The following IFI16 variants were observed in gnomAD, a reference collection of about 807,000 sequenced individuals.
The protein encoded by IFI16 is gamma-interferon-inducible protein 16.
A neutral mutation model predicts 68.4 loss-of-function variants in IFI16; 49 were observed. The observed-to-expected ratio is 0.72, with a 90% CI of 0.57 to 0.91. The LOEUF is 0.91. Among genes scored for constraint, IFI16 ranks in the 40% least tolerant of loss-of-function variants. The pLI is 0.00. For synonymous variants in IFI16, 307 were observed against 315.0 expected, an observed-to-expected ratio of 0.97 and a Z score of 0.27; for missense variants, 878 against 942.9, an observed-to-expected ratio of 0.93 and a Z score of 0.90.
At chr1:159,041,614 A>G (rs745370624) in intron 7 of IFI16, among the ~76,000 whole-genome samples, 7 of 152,134 alleles carry the variant, frequency 4.6e-5, no homozygotes, top group Non-Finnish European at 8.8e-5. Flanking sequence ...CTACCAGAAA[A>G]TGACATTAAG....
At chr1:159,044,012 C>A (rs1330302361) in intron 7 of IFI16, among the ~76,000 whole-genome samples, 3 of 152,140 alleles carry the variant, frequency 2.0e-5, no homozygotes, top group Non-Finnish European at 4.4e-5. Context: ...CATGAAATAT[C>A]TGTTCACCGG....
Position 159,015,037 on chromosome 1 carries a change from G to A in IFI16, c.265+92G>A, listed in dbSNP as rs143126545. ...GCCCCACCTCGGACATACTTGAGAT[G>A]TGTTTTCCCCAGTTTGTGACTCAAC... On this transcript the variant is annotated intron_variant, in intron 2 of 11. Coordinates refer to ENST00000295809, the MANE Select transcript of IFI16 (RefSeq NM_001376587.1). 4.7e-5 allele frequency: 59 copies of A among 1,249,762 alleles called. No individual in the cohort carries two copies. The East Asian group carries it at 1.3e-3, about 27-fold the overall frequency. 77.4% of individuals were successfully genotyped at this position (1,249,762 alleles called of 1,614,324 possible). A position where few individuals can be genotyped will look rare whatever the true frequency, so the allele number is the denominator to read the frequency against.
intron 6 of IFI16, among the ~76,000 whole-genome samples, chr1:159,022,524 T>TC (rs1298448903): frequency 1.3e-5 from 2 of 152,136 alleles, no homozygotes; most frequent in African/African-American, 2.4e-5. Context: ...TCTGTATTTG[T>TC]CCCGACTGGC....
chr1:159,042,667 A>G (rs1306679061), intron 7 of IFI16, among the ~76,000 whole-genome samples: 2 of 152,146 alleles, frequency 1.3e-5, no homozygotes, highest in African/African-American at 4.8e-5. Context: ...CTTCATAGGT[A>G]CCTTTCTATT....
Position 159,015,933 on chromosome 1 carries a change from C to A in IFI16, c.327C>A (p.Pro109=). 6.2e-7 allele frequency: 1 copy of A among 1,614,184 alleles called. No individual in the cohort carries two copies. The highest frequency in any genetic ancestry group is 8.5e-7 in the Non-Finnish European group (1 of 1,179,998). Residue 109 remains proline (P), a synonymous_variant, in exon 3 of 12, where the codon CCC becomes CCA. Transcript: ENST00000295809. ...AAGTGGATGCTACTTCACCTGCACCCTCCACAAGCAGCACTGTCAAAACTG... is the reference window on the plus strand; with the variant it reads ...AAGTGGATGCTACTTCACCTGCACCATCCACAAGCAGCACTGTCAAAACTG... ...KKEVDATSPA[P]STSSTVKTEG...
intron 3 of IFI16, 116 bp downstream of exon 3, chr1:159,016,103 G>T: frequency 3.0e-6 from 2 of 676,096 alleles, no homozygotes; most frequent in Non-Finnish European, 5.2e-6. Context: ...TCAAGTTTCA[G>T]ATTTACCAAA....
intron 7 of IFI16, among the ~76,000 whole-genome samples, chr1:159,042,602 C>G (rs1249765864): frequency 6.6e-6 from 1 of 152,154 alleles, no homozygotes; most frequent in Non-Finnish European, 1.5e-5. Context: ...ATTCCTTGAG[C>G]AAGTTCTCAC....
At chr1:159,047,032 C>G (rs1207274796) in intron 8 of IFI16, among the ~76,000 whole-genome samples, 2 of 151,196 alleles carry the variant, frequency 1.3e-5, no homozygotes, top group Non-Finnish European at 3.0e-5. Flanking sequence ...GACCTACAAT[C>G]CAGCGCTATG....
At chr1:159,034,563 G>A (rs74122231) in intron 7 of IFI16, among the ~76,000 whole-genome samples, 1 of 152,102 alleles carries the variant, frequency 6.6e-6, no homozygotes, top group Non-Finnish European at 1.5e-5. Flanking sequence ...TTTTCCAAAT[G>A]AGAAGCTTTG....
intron 6 of IFI16, among the ~76,000 whole-genome samples, chr1:159,023,723 A>G (rs1247410678): frequency 6.6e-6 from 1 of 152,176 alleles, no homozygotes; most frequent in Non-Finnish European, 1.5e-5. Context: ...AGTGTCTAGT[A>G]AAAGTCCTCT....
intron 7 of IFI16, among the ~76,000 whole-genome samples, chr1:159,040,256 G>C (rs1038277357): frequency 2.6e-5 from 4 of 152,152 alleles, no homozygotes; most frequent in African/African-American, 9.7e-5. Context: ...ATTTTAAATA[G>C]TATAATAACA....
intron 1 of IFI16, among the ~76,000 whole-genome samples, chr1:159,011,360 G>C (rs1652545737): frequency 6.7e-6 from 1 of 150,052 alleles, no homozygotes; most frequent in South Asian, 2.1e-4. Context: ...TCCAGCCTGG[G>C]TGACAGAGCA....
intron 11 of IFI16, 81 bp downstream of exon 11, chr1:159,053,805 T>G (rs1655510170): frequency 4.7e-6 from 5 of 1,056,870 alleles, no homozygotes; most frequent in Non-Finnish European, 7.0e-6. Flanking sequence ...CTGCTACTAT[T>G]ACAGAGAGTC....
chr1:159,016,769 T>G, intron 4 of IFI16, 69 bp downstream of exon 4: 9 of 1,350,982 alleles, frequency 6.7e-6, no homozygotes, highest in Non-Finnish European at 9.3e-6. Context: ...TTTCACCGGT[T>G]ACTTAAAAAT....
chr1:159,030,632 T>C (rs1167107085), intron 6 of IFI16, among the ~76,000 whole-genome samples: 7 of 152,160 alleles, frequency 4.6e-5, no homozygotes, highest in Admixed American at 4.6e-4. Context: ...AGTCCTGTGA[T>C]GTGGTTCGTC....
intron 1 of IFI16, 51 bp from the exon 2 acceptor site, chr1:159,014,610 T>C (rs971996428): frequency 7.9e-7 from 1 of 1,258,608 alleles, no homozygotes; most frequent in Non-Finnish European, 1.1e-6. Context: ...ATACATCTTT[T>C]AAATTGTCTG....
At chr1:159,034,446 G>A (rs941181228) in intron 7 of IFI16, among the ~76,000 whole-genome samples, 1 of 152,114 alleles carries the variant, frequency 6.6e-6, no homozygotes, top group Non-Finnish European at 1.5e-5. Flanking sequence ...GCCAGATGGA[G>A]GAAGATGAAT....
chr1:159,005,094 G>A (rs779176980), upstream of IFI16, among the ~76,000 whole-genome samples: 4 of 152,116 alleles, frequency 2.6e-5, no homozygotes, highest in Non-Finnish European at 4.4e-5. Context: ...CCACTCTAAC[G>A]GGCATGTAGG....
At chr1:159,041,266 T>C (rs1654619761) in intron 7 of IFI16, among the ~76,000 whole-genome samples, 1 of 152,202 alleles carries the variant, frequency 6.6e-6, no homozygotes, top group Non-Finnish European at 1.5e-5. Context: ...CTGTCCTCAC[T>C]TGAACAAAGT....
Sources: allele counts gnomAD v4.1 joint callset (sites outside exome capture counted in the v4.1 genomes callset), GRCh38; gene constraint gnomAD v4.1.1; transcripts MANE v1.5; gene names NCBI Gene and HGNC (gene_info 2026-07-23, HGNC 2026-07-21).